The following GPC5 variants were observed in gnomAD, a reference collection of about 807,000 sequenced individuals.
GPC5 encodes glypican 5.
In GPC5, 47 loss-of-function variants were observed where a neutral mutation model predicts 53.9. That is an observed-to-expected ratio of 0.87 (90% CI 0.69 to 1.11). The LOEUF (loss-of-function observed/expected upper bound fraction) is 1.11. GPC5 is among the 50% of genes most tolerant of loss of function. The pLI is 0.00. For synonymous variants in GPC5, 286 were observed against 263.3 expected, an observed-to-expected ratio of 1.09 and a Z score of -0.84; for missense variants, 748 against 713.1, an observed-to-expected ratio of 1.05 and a Z score of -0.56.
chr13:92,556,661 C>T (rs1196918918), intron 7 of GPC5, among the ~76,000 whole-genome samples: 1 of 151,622 alleles, frequency 6.6e-6, no homozygotes, highest in Non-Finnish European at 1.5e-5. Context: ...AAGTGTTCAA[C>T]CCCTTTTTTT....
intron 7 of GPC5, among the ~76,000 whole-genome samples, chr13:92,233,964 T>C (rs919979271): frequency 1.3e-5 from 2 of 152,152 alleles, no homozygotes; most frequent in Admixed American, 6.5e-5. Flanking sequence ...CAGCTTCATC[T>C]ATGTCCCTAC....
intron 7 of GPC5, among the ~76,000 whole-genome samples, chr13:92,625,845 T>A (rs1885029700): frequency 6.6e-6 from 1 of 152,182 alleles, no homozygotes; most frequent in Non-Finnish European, 1.5e-5. Flanking sequence ...TCCTTGAGAC[T>A]CAAAGGTGAT....
intron 7 of GPC5, among the ~76,000 whole-genome samples, chr13:92,149,716 A>G (rs2041893747): frequency 6.6e-6 from 1 of 152,028 alleles, no homozygotes; most frequent in Non-Finnish European, 1.5e-5. Context: ...GCTTCCTCAT[A>G]TTTATTTTCA....
At chr13:91,891,399 G>A (rs986716227) in intron 5 of GPC5, among the ~76,000 whole-genome samples, 5 of 152,050 alleles carry the variant, frequency 3.3e-5, no homozygotes, top group African/African-American at 1.2e-4. Flanking sequence ...TTCTTTGCAT[G>A]TTCTTGTATA....
At chr13:91,469,433 CT>C (rs924161514) in intron 2 of GPC5, among the ~76,000 whole-genome samples, 4 of 151,024 alleles carry the variant, frequency 2.6e-5, no homozygotes, top group African/African-American at 7.3e-5. Context: ...ATTTTTTTCT[CT>C]TTTTTTTTGG....
chr13:91,657,245 G>A (rs937462983), intron 2 of GPC5, among the ~76,000 whole-genome samples: 1 of 152,146 alleles, frequency 6.6e-6, no homozygotes, highest in African/African-American at 2.4e-5. Flanking sequence ...TTTTAGGAAA[G>A]CTGCTGGGGT....
chr13:92,546,052 A>G (rs1378575849), intron 7 of GPC5, among the ~76,000 whole-genome samples: 1 of 152,146 alleles, frequency 6.6e-6, no homozygotes, highest in Non-Finnish European at 1.5e-5. Context: ...CCCACAGCCA[A>G]TATCATACTG....
intron 7 of GPC5, among the ~76,000 whole-genome samples, chr13:92,595,833 G>A (rs926602871): frequency 6.0e-5 from 9 of 150,100 alleles, no homozygotes; most frequent in Admixed American, 1.3e-4. Flanking sequence ...CGGTAATTTC[G>A]AGAAAGTTAT....
At chr13:91,411,959 C>A (rs1348337402) in intron 1 of GPC5, among the ~76,000 whole-genome samples, 1 of 152,210 alleles carries the variant, frequency 6.6e-6, no homozygotes, top group East Asian at 1.9e-4. Context: ...AATTTCTTTA[C>A]TCACATTCAG....
At chr13:91,771,169 A>G (rs1268621578) in intron 5 of GPC5, among the ~76,000 whole-genome samples, 2 of 152,232 alleles carry the variant, frequency 1.3e-5, no homozygotes, top group Non-Finnish European at 2.9e-5. Flanking sequence ...AAGTGCATGA[A>G]TAGATAATTT....
intron 7 of GPC5, among the ~76,000 whole-genome samples, chr13:92,425,346 C>A (rs1449467873): frequency 6.6e-6 from 1 of 151,910 alleles, no homozygotes; most frequent in African/African-American, 2.4e-5. Context: ...CACCTCTACC[C>A]TCTCCCACCT....
At chr13:91,666,371 A>T (rs1170388139) in intron 2 of GPC5, among the ~76,000 whole-genome samples, 2 of 152,172 alleles carry the variant, frequency 1.3e-5, no homozygotes, top group Non-Finnish European at 2.9e-5. Context: ...AAATAATTTA[A>T]TTATTTTCCT....
intron 7 of GPC5, among the ~76,000 whole-genome samples, chr13:92,856,194 G>A (rs956614679): frequency 6.6e-6 from 1 of 151,890 alleles, no homozygotes; most frequent in African/African-American, 2.4e-5. Flanking sequence ...TGCAAGGTTG[G>A]GTCAATATAC....
chr13:91,419,190 G>A (rs1161505564), intron 1 of GPC5, among the ~76,000 whole-genome samples: 7 of 151,944 alleles, frequency 4.6e-5, no homozygotes, highest in Non-Finnish European at 4.4e-5. Flanking sequence ...TTTCCAGTTA[G>A]CTATAGCTTT....
At chr13:91,513,981 G>A (rs1885367343) in intron 2 of GPC5, among the ~76,000 whole-genome samples, 1 of 152,128 alleles carries the variant, frequency 6.6e-6, no homozygotes, top group African/African-American at 2.4e-5. Flanking sequence ...TTGATAGTTT[G>A]TCCTTTTTAT....
At chr13:92,098,893 A>T (rs1365678129) in intron 6 of GPC5, among the ~76,000 whole-genome samples, 1 of 151,970 alleles carries the variant, frequency 6.6e-6, no homozygotes, top group Admixed American at 6.5e-5. Flanking sequence ...ATACTTTACT[A>T]TTAAACCACT....
chr13:92,808,884 T>C (rs1389460858), intron 7 of GPC5, among the ~76,000 whole-genome samples: 2 of 152,154 alleles, frequency 1.3e-5, no homozygotes, highest in African/African-American at 2.4e-5. Context: ...CCAATATTAC[T>C]TGAAGAGGCT....
chr13:91,891,579 A>G (rs1197932998), intron 5 of GPC5, among the ~76,000 whole-genome samples: 2 of 152,250 alleles, frequency 1.3e-5, no homozygotes, highest in African/African-American at 4.8e-5. Flanking sequence ...GGGAGAAAAA[A>G]CAAATATTTC....
chr13:91,919,326 C>T (rs992425083), intron 6 of GPC5, among the ~76,000 whole-genome samples: 1 of 152,166 alleles, frequency 6.6e-6, no homozygotes, highest in African/African-American at 2.4e-5. Context: ...CTTTATGTGC[C>T]TTCTCCATTT....
Sources: gnomAD v4.1 joint callset for allele counts (sites outside exome capture counted in the v4.1 genomes callset) on GRCh38, gnomAD v4.1.1 for gene constraint, MANE v1.5 for transcripts, NCBI Gene and HGNC (gene_info 2026-07-23, HGNC 2026-07-21) for gene names.